GIP: variants seen among roughly 807,000 people sequenced by gnomAD.
GIP encodes the protein glucose-dependent insulinotropic polypeptide.
In GIP, 16 loss-of-function variants were observed where a neutral mutation model predicts 18.1. The observed-to-expected ratio is 0.88, with a 90% CI of 0.60 to 1.34. The LOEUF (loss-of-function observed/expected upper bound fraction) is 1.34. Among genes scored for constraint, GIP ranks in the 40% most tolerant of loss-of-function variants. GIP has a pLI of 0.00. For missense variants in GIP, 192 were observed against 183.4 expected, an observed-to-expected ratio of 1.05 and a Z score of -0.27; for synonymous variants, 76 against 74.0, an observed-to-expected ratio of 1.03 and a Z score of -0.14.
intron 4 of GIP, among the ~76,000 whole-genome samples, 197 bp downstream of exon 4, chr17:48,961,530 G>A (rs868631544): frequency 7.9e-5 from 12 of 152,114 alleles, no homozygotes; most frequent in African/African-American, 2.4e-4. Context: ...CACCCCTCCC[G>A]TTTCTCCAAG....
chr17:48,961,702 C>G, intron 4 of GIP, 25 bp downstream of exon 4: 1 of 1,496,306 alleles, frequency 6.7e-7, no homozygotes, highest in Non-Finnish European at 9.3e-7. Context: ...TTGGCTCCCT[C>G]CCTTCCCTCT....
intron 3 of GIP, 30 bp downstream of exon 3, chr17:48,964,280 G>A: frequency 2.5e-6 from 4 of 1,590,150 alleles, no homozygotes; most frequent in Non-Finnish European, 3.4e-6. Context: ...CCCGGCACAG[G>A]GAACAGGAGG....
intron 5 of GIP, among the ~76,000 whole-genome samples, chr17:48,959,171 T>A (rs185896162): frequency 6.6e-6 from 1 of 152,174 alleles, no homozygotes; most frequent in East Asian, 1.9e-4. Flanking sequence ...ACTTATTTTT[T>A]AAGAGACAGT....
rs558421631 is a variant in GIP, at chr17:48,966,026, C to G, written c.86+1121G>C. ...TGTAATCCTAGCACTTTGGGAGGTC[C>G]AAGCAGGTGGATCACGAGGTCAGGA... On this transcript the variant is annotated intron_variant, in intron 2 of 5. Transcript: ENST00000357424. Among the ~76,000 whole-genome samples, 4 of 151,996 alleles carry G rather than the reference C, an allele frequency of 2.6e-5. No individual in the cohort carries two copies. In the South Asian group the frequency reaches 6.2e-4, roughly 24 times the overall value.
Position 48,958,587 on chromosome 17 carries a change from C to T in GIP, c.*120G>A. The T allele has an allele frequency of 1.3e-6, 1 of 793,266 alleles. No individual in the cohort carries two copies. Among genetic ancestry groups the T allele is most frequent in the Non-Finnish European group, 2.1e-6 (1 of 469,388 alleles). 49.1% of individuals were successfully genotyped at this position (793,266 alleles called of 1,614,324 possible). On this transcript the variant is annotated 3_prime_UTR_variant, in exon 6 of 6. Transcript: ENST00000357424. ...CAGTAGTCATTTTAATAAATTTTCA[C>T]AATGGGCTCGACTTAGCATAAACTT...
chr17:48,964,208 T>A (rs2143850274), intron 3 of GIP, 102 bp downstream of exon 3: 1 of 739,054 alleles, frequency 1.4e-6, no homozygotes, highest in Non-Finnish European at 2.3e-6. Flanking sequence ...CACCTGGGGT[T>A]GTGCATCATG....
At chr17:48,967,447 C>A (rs2041241359) in intron 1 of GIP, among the ~76,000 whole-genome samples, 194 bp from the exon 2 acceptor site, 1 of 151,022 alleles carries the variant, frequency 6.6e-6, no homozygotes, top group Non-Finnish European at 1.5e-5. Flanking sequence ...GCAACCTCCA[C>A]CTCCTGGGTT....
intron 3 of GIP, 108 bp downstream of exon 3, chr17:48,964,202 T>G: frequency 6.0e-6 from 4 of 662,542 alleles, no homozygotes; most frequent in Non-Finnish European, 7.8e-6. Flanking sequence ...AGGTGCCACC[T>G]GGGGTTGTGC....
intron 2 of GIP, among the ~76,000 whole-genome samples, chr17:48,966,921 G>A (rs927455820): frequency 6.6e-6 from 1 of 152,154 alleles, no homozygotes; most frequent in Non-Finnish European, 1.5e-5. Flanking sequence ...AGGAAGTCCC[G>A]CCAGAGATCT....
At chr17:48,961,854 C>T (rs370731969) in intron 3 of GIP, 35 bp from the exon 4 acceptor site, 29 of 1,443,438 alleles carry the variant, frequency 2.0e-5, no homozygotes, top group Non-Finnish European at 2.3e-5. Context: ...GGGCAAGCTG[C>T]GGAGACTCCA....
chr17:48,964,284 CAGG>C (rs1459003172), intron 3 of GIP, 23 bp downstream of exon 3: 3 of 1,598,390 alleles, frequency 1.9e-6, no homozygotes, highest in Admixed American at 1.7e-5. Context: ...GCACAGGGAA[CAGG>C]AGGAGTGTAA....
chr17:48,959,662 A>T (rs11079847), intron 5 of GIP, among the ~76,000 whole-genome samples: 59,194 of 152,082 alleles, frequency 0.39, 11,799 homozygotes, highest in Admixed American at 0.47. Context: ...GGAAGGAAAC[A>T]TGCCTCTAAC....
intron 3 of GIP, among the ~76,000 whole-genome samples, chr17:48,963,109 C>CA (rs1469003901): frequency 2.2e-5 from 3 of 135,332 alleles, no homozygotes; most frequent in African/African-American, 2.7e-5. Flanking sequence ...AAATCCGTCT[C>CA]AAAAAAAAAG....
rs2041181136 is a variant in GIP, at chr17:48,958,575, A to G, written c.*132T>C. ...CCTGTTAGTGCTCAGTAGTCATTTT[A>G]ATAAATTTTCACAATGGGCTCGACT... is the stretch of plus-strand genomic sequence containing the variant. On this transcript the variant is annotated 3_prime_UTR_variant, in exon 6 of 6. Transcript: ENST00000357424. 1 of 734,086 alleles carries G rather than the reference A, an allele frequency of 1.4e-6. No individual in the cohort carries two copies. The highest frequency in any genetic ancestry group is 2.4e-6 in the Non-Finnish European group (1 of 416,384). 45.5% of individuals were successfully genotyped at this position (734,086 alleles called of 1,614,324 possible). A position where few individuals can be genotyped will look rare whatever the true frequency, so the allele number is the denominator to read the frequency against.
Position 48,964,480 on chromosome 17 carries a change from G to T in GIP, c.87C>A (p.Ser29Arg), listed in dbSNP as rs773997543. Residue 29 changes from serine to arginine, a missense_variant and splice_region_variant, in exon 3 of 6, where the codon AGC (serine) becomes AGA (arginine). Ser to Arg is a moderately radical substitution (Grantham distance 110). Transcript: ENST00000357424. ...GLGEKKEGHF[S>R]ALPSLPVGSH... The stretch of plus-strand genomic sequence containing the variant: ...ATCCAACAGGCAGGGAGGGGAGAGC[G>T]CTGGAAACAAGGGTGCGGAGAAGGG... 2.5e-6 allele frequency: 4 copies of T among 1,613,498 alleles called. No individual in the cohort carries two copies. Among genetic ancestry groups the T allele is most frequent in the Non-Finnish European group, 3.4e-6 (4 of 1,179,600 alleles).
chr17:48,960,678 T>A (rs1018221515), intron 5 of GIP, among the ~76,000 whole-genome samples: 1 of 152,064 alleles, frequency 6.6e-6, no homozygotes, highest in African/African-American at 2.4e-5. Context: ...TTTCTTTTGT[T>A]TTTTTTCTTT....
At chr17:48,959,332 T>C (rs944154824) in intron 5 of GIP, among the ~76,000 whole-genome samples, 1 of 152,188 alleles carries the variant, frequency 6.6e-6, no homozygotes, top group African/African-American at 2.4e-5. Context: ...TAATTCACAA[T>C]ATCCACCTTC....
intron 5 of GIP, among the ~76,000 whole-genome samples, chr17:48,959,507 A>G (rs1217883091): frequency 1.3e-5 from 2 of 152,086 alleles, no homozygotes; most frequent in African/African-American, 4.8e-5. Flanking sequence ...TGTCTGCATC[A>G]TGAGGGTCCT....
chr17:48,963,443 T>C (rs568652363), intron 3 of GIP, among the ~76,000 whole-genome samples: 1 of 148,610 alleles, frequency 6.7e-6, no homozygotes, highest in South Asian at 2.1e-4. Context: ...GATCACGAGG[T>C]CAGGAGTTTG....
Sources: gnomAD v4.1 joint callset for allele counts (sites outside exome capture counted in the v4.1 genomes callset) on GRCh38, gnomAD v4.1.1 for gene constraint, MANE v1.5 for transcripts, NCBI Gene and HGNC (gene_info 2026-07-23, HGNC 2026-07-21) for gene names.